NALF1: variants seen among roughly 807,000 people sequenced by gnomAD.
NALF1 encodes family with sequence similarity 155 member A.
A neutral mutation model predicts 48.4 loss-of-function variants in NALF1; 3 were observed. That is an observed-to-expected ratio of 0.06 (90% confidence interval 0.03 to 0.16). The LOEUF is 0.16. NALF1 is among the 10% of genes least tolerant of loss of function. The pLI is 1.00. For missense variants in NALF1, 526 were observed against 571.5 expected, an observed-to-expected ratio of 0.92 and a Z score of 0.81; for synonymous variants, 262 against 245.7, an observed-to-expected ratio of 1.07 and a Z score of -0.62.
intron 1 of NALF1, among the ~76,000 whole-genome samples, chr13:107,831,453 T>C (rs921165268): frequency 2.0e-4 from 31 of 152,228 alleles, no homozygotes; most frequent in African/African-American, 7.5e-4. Context: ...AATGTAGTCA[T>C]GGCAACATCT....
intron 2 of NALF1, among the ~76,000 whole-genome samples, chr13:107,198,693 A>G (rs1321094923): frequency 6.6e-6 from 1 of 152,220 alleles, no homozygotes; most frequent in African/African-American, 2.4e-5. Flanking sequence ...TAGGGGGCTT[A>G]AACAACACAA....
intron 1 of NALF1, among the ~76,000 whole-genome samples, chr13:107,246,759 C>T (rs980220314): frequency 1.2e-4 from 19 of 152,078 alleles, no homozygotes; most frequent in Non-Finnish European, 2.5e-4. Flanking sequence ...AAATATGCCA[C>T]ATTGAGGATT....
intron 1 of NALF1, among the ~76,000 whole-genome samples, chr13:107,748,745 C>T (rs1876850378): frequency 6.6e-6 from 1 of 152,156 alleles, no homozygotes; most frequent in Admixed American, 6.5e-5. Context: ...TATGGAAATG[C>T]ATGTACTACA....
At chr13:107,293,970 G>A (rs1881678615) in intron 1 of NALF1, among the ~76,000 whole-genome samples, 1 of 152,212 alleles carries the variant, frequency 6.6e-6, no homozygotes, top group Non-Finnish European at 1.5e-5. Context: ...TAAAACAAGG[G>A]AGGATTTCAG....
rs181309660 is a variant in NALF1, at chr13:107,164,324, A to C, written c.*6173T>G. ...TTCCATATACTTTATCAAAAACTGAACAGGTTTTCTAACTTTTTCACTGTT... is the reference window on the plus strand; with the variant it reads ...TTCCATATACTTTATCAAAAACTGACCAGGTTTTCTAACTTTTTCACTGTT... On this transcript the variant is annotated 3_prime_UTR_variant, in exon 3 of 3. Transcript: ENST00000375915. 2.6e-5 allele frequency: 4 copies of C among 152,178 alleles called. No homozygotes were observed. The highest frequency in any genetic ancestry group is 5.9e-5 in the Non-Finnish European group (4 of 68,032). 9.4% of individuals were successfully genotyped at this position (152,178 alleles called of 1,614,324 possible). A position where few individuals can be genotyped will look rare whatever the true frequency, so the allele number is the denominator to read the frequency against.
intron 1 of NALF1, among the ~76,000 whole-genome samples, chr13:107,308,603 T>G (rs1881986751): frequency 6.6e-6 from 1 of 152,210 alleles, no homozygotes; most frequent in African/African-American, 2.4e-5. Flanking sequence ...TAGTTTTCCA[T>G]GAATTACAAA....
At chr13:107,184,293 G>T (rs1879128382) in intron 2 of NALF1, among the ~76,000 whole-genome samples, 1 of 152,066 alleles carries the variant, frequency 6.6e-6, no homozygotes, top group Non-Finnish European at 1.5e-5. Context: ...AAGAATGTTA[G>T]AAGTTGATCT....
At chr13:107,502,654 A>G (rs1346510727) in intron 1 of NALF1, among the ~76,000 whole-genome samples, 4 of 152,166 alleles carry the variant, frequency 2.6e-5, no homozygotes, top group Non-Finnish European at 5.9e-5. Flanking sequence ...CTAACCATTT[A>G]AACAACACAT....
chr13:107,384,130 G>A (rs1883486193), intron 1 of NALF1, among the ~76,000 whole-genome samples: 2 of 152,082 alleles, frequency 1.3e-5, no homozygotes, highest in Admixed American at 1.3e-4. Context: ...GCTCATGCCT[G>A]TGGTCCCAGC....
chr13:107,431,127 G>A (rs1188372757), intron 1 of NALF1, among the ~76,000 whole-genome samples: 1 of 152,000 alleles, frequency 6.6e-6, no homozygotes, highest in Non-Finnish European at 1.5e-5. Flanking sequence ...CATGTTCTTT[G>A]CCCATTGAGC....
chr13:107,250,007 A>G (rs1289576461), intron 1 of NALF1, among the ~76,000 whole-genome samples: 1 of 152,044 alleles, frequency 6.6e-6, no homozygotes, highest in African/African-American at 2.4e-5. Context: ...TCTCCTAATC[A>G]GAGCAATTAA....
At chr13:107,648,640 A>G (rs1314598353) in intron 1 of NALF1, among the ~76,000 whole-genome samples, 2 of 152,196 alleles carry the variant, frequency 1.3e-5, no homozygotes, top group African/African-American at 4.8e-5. Flanking sequence ...AGCCTGCTAT[A>G]ACACCCACAT....
At chr13:107,496,412 A>T (rs763951412) in intron 1 of NALF1, among the ~76,000 whole-genome samples, 5 of 152,172 alleles carry the variant, frequency 3.3e-5, no homozygotes, top group Non-Finnish European at 7.3e-5. Context: ...AAACGAAATC[A>T]TCAGGATCCC....
intron 1 of NALF1, among the ~76,000 whole-genome samples, chr13:107,392,923 T>G (rs1044872766): frequency 1.3e-5 from 2 of 152,130 alleles, no homozygotes; most frequent in African/African-American, 2.4e-5. Flanking sequence ...CCTGTTATTC[T>G]GAGATTGCAA....
At chr13:107,215,240 C>T (rs1322900793) in intron 1 of NALF1, among the ~76,000 whole-genome samples, 5 of 152,154 alleles carry the variant, frequency 3.3e-5, no homozygotes, top group Non-Finnish European at 5.9e-5. Flanking sequence ...TTATTCATTC[C>T]GAACATATCC....
intron 1 of NALF1, among the ~76,000 whole-genome samples, chr13:107,426,676 C>G (rs1884286226): frequency 6.6e-6 from 1 of 152,040 alleles, no homozygotes; most frequent in Non-Finnish European, 1.5e-5. Flanking sequence ...ATAAATAGGT[C>G]CTAGTCTAGA....
intron 1 of NALF1, among the ~76,000 whole-genome samples, chr13:107,261,813 TAATTTC>T (rs1566467300): frequency 6.6e-6 from 1 of 152,194 alleles, no homozygotes; most frequent in Admixed American, 6.5e-5. Flanking sequence ...AATAAATCAC[TAATTTC>T]ATTATCAAAC....
chr13:107,535,757 C>A (rs565867761), intron 1 of NALF1, among the ~76,000 whole-genome samples: 8 of 152,242 alleles, frequency 5.3e-5, no homozygotes, highest in African/African-American at 1.9e-4. Flanking sequence ...AAAAAAGAGT[C>A]CACATTGCCA....
chr13:107,568,573 T>C (rs1410280241), intron 1 of NALF1, among the ~76,000 whole-genome samples: 1 of 152,236 alleles, frequency 6.6e-6, no homozygotes, highest in Non-Finnish European at 1.5e-5. Context: ...ACTAGCACTA[T>C]ATGAGAGATC....
Sources: gnomAD v4.1 joint callset for allele counts (sites outside exome capture counted in the v4.1 genomes callset) on GRCh38, gnomAD v4.1.1 for gene constraint, MANE v1.5 for transcripts, NCBI Gene and HGNC (gene_info 2026-07-23, HGNC 2026-07-21) for gene names.